The following PACRG variants were observed in gnomAD, a reference collection of about 807,000 sequenced individuals.
The protein encoded by PACRG is parkin coregulated gene protein.
A neutral mutation model predicts 29.7 loss-of-function variants in PACRG; 29 were observed. That is an observed-to-expected ratio of 0.98 (90% confidence interval 0.73 to 1.33). PACRG has a LOEUF of 1.33. PACRG is among the 40% of genes most tolerant of loss of function. The probability of loss-of-function intolerance (pLI) is 0.00; values close to 1 mark genes in which losing one functional copy is unlikely to be tolerated. For synonymous variants in PACRG, 116 were observed against 118.7 expected (o/e 0.98, Z 0.15); for missense variants, 279 against 316.2 (o/e 0.88, Z 0.89).
At chr6:162,880,158 T>C (rs1793712570) in intron 2 of PACRG, among the ~76,000 whole-genome samples, 1 of 152,254 alleles carries the variant, frequency 6.6e-6, no homozygotes, top group South Asian at 2.1e-4. Context: ...TCTGATCTTC[T>C]GCCCTTTAGT....
chr6:162,730,138 G>GCC (rs35815607), intron 1 of PACRG, among the ~76,000 whole-genome samples: 24,076 of 150,960 alleles, frequency 0.16, 2,587 homozygotes, highest in African/African-American at 0.3. Context: ...CAAAGTCCCT[G>GCC]CCCTTAGTAC....
chr6:162,940,439 T>G (rs1798538284), intron 2 of PACRG, among the ~76,000 whole-genome samples: 2 of 152,188 alleles, frequency 1.3e-5, no homozygotes, highest in African/African-American at 4.8e-5. Context: ...TCTGTCTGTC[T>G]GTCTGTATGT....
At chr6:163,076,880 C>A (rs183193568) in intron 3 of PACRG, among the ~76,000 whole-genome samples, 4 of 152,312 alleles carry the variant, frequency 2.6e-5, no homozygotes, top group Non-Finnish European at 2.9e-5. Flanking sequence ...CCCGACATAA[C>A]TTTATAGCTC....
chr6:163,104,327 T>G (rs1481040034), intron 4 of PACRG, among the ~76,000 whole-genome samples: 1 of 152,242 alleles, frequency 6.6e-6, no homozygotes, highest in East Asian at 1.9e-4. Flanking sequence ...GCATTCAATT[T>G]TTTTTTAATC....
intron 4 of PACRG, among the ~76,000 whole-genome samples, chr6:163,106,762 A>G (rs1815405010): frequency 6.6e-6 from 1 of 152,244 alleles, no homozygotes; most frequent in Non-Finnish European, 1.5e-5. Flanking sequence ...GGAGTTCTTC[A>G]TGCACAATAG....
chr6:163,161,438 G>A (rs1453453518), intron 4 of PACRG, among the ~76,000 whole-genome samples: 1 of 152,150 alleles, frequency 6.6e-6, no homozygotes. Flanking sequence ...GCATTTTGAT[G>A]TATTCATTTG....
At chr6:163,268,181 A>G (rs1783602881) in intron 4 of PACRG, among the ~76,000 whole-genome samples, 1 of 152,122 alleles carries the variant, frequency 6.6e-6, no homozygotes, top group South Asian at 2.1e-4. Flanking sequence ...CGGGTGGATC[A>G]CAAGGTCAGG....
At chr6:163,163,498 C>T (rs183219959) in intron 4 of PACRG, among the ~76,000 whole-genome samples, 42 of 152,224 alleles carry the variant, frequency 2.8e-4, no homozygotes, top group African/African-American at 6.7e-4. Context: ...TCTCAAACTC[C>T]GGACCTCAGG....
chr6:163,047,960 T>C (rs370465027), intron 2 of PACRG, among the ~76,000 whole-genome samples: 1 of 152,248 alleles, frequency 6.6e-6, no homozygotes, highest in Non-Finnish European at 1.5e-5. Flanking sequence ...CTTCATCTCT[T>C]GCTATTGTGA....
intron 1 of PACRG, among the ~76,000 whole-genome samples, chr6:162,798,467 T>C (rs897630683): frequency 6.6e-6 from 1 of 152,194 alleles, no homozygotes; most frequent in African/African-American, 2.4e-5. Flanking sequence ...CCACATAGCT[T>C]GTGCCTTATG....
At chr6:162,844,490 C>G (rs1229958738) in intron 2 of PACRG, among the ~76,000 whole-genome samples, 1 of 152,212 alleles carries the variant, frequency 6.6e-6, no homozygotes, top group African/African-American at 2.4e-5. Context: ...CCTGTGCCCA[C>G]TTTCTGGCAC....
At chr6:162,914,939 C>T (rs1050659184) in intron 2 of PACRG, among the ~76,000 whole-genome samples, 1 of 151,802 alleles carries the variant, frequency 6.6e-6, no homozygotes, top group African/African-American at 2.4e-5. Flanking sequence ...TCTATAGATT[C>T]CTTGAGATTT....
intron 2 of PACRG, among the ~76,000 whole-genome samples, chr6:162,976,609 T>G (rs1801983405): frequency 1.3e-5 from 2 of 152,288 alleles, no homozygotes; most frequent in South Asian, 4.1e-4. Context: ...GGTATCCAGA[T>G]TAAGTATTCA....
At chr6:162,858,708 A>G (rs945165392) in intron 2 of PACRG, among the ~76,000 whole-genome samples, 3 of 152,168 alleles carry the variant, frequency 2.0e-5, no homozygotes, top group South Asian at 2.1e-4. Flanking sequence ...GCATGCTCCA[A>G]TCGGTACAAA....
chr6:162,896,496 T>C (rs11962091), intron 2 of PACRG, among the ~76,000 whole-genome samples: 4,229 of 152,274 alleles, frequency 0.028, 184 homozygotes, highest in African/African-American at 0.096. Context: ...AGAAACAAGA[T>C]TGGAAATGTC....
intron 2 of PACRG, among the ~76,000 whole-genome samples, chr6:163,061,797 A>C (rs1224928523): frequency 6.6e-6 from 1 of 152,128 alleles, no homozygotes; most frequent in African/African-American, 2.4e-5. Flanking sequence ...TTTTACGTGG[A>C]TCTTTTCAGC....
intron 2 of PACRG, among the ~76,000 whole-genome samples, chr6:162,875,251 A>G (rs1793219102): frequency 6.6e-6 from 1 of 151,828 alleles, no homozygotes; most frequent in South Asian, 2.1e-4. Context: ...ACATTCACAC[A>G]CAGACATGCA....
intron 2 of PACRG, among the ~76,000 whole-genome samples, chr6:162,925,207 G>A (rs1797344138): frequency 6.6e-6 from 1 of 152,070 alleles, no homozygotes; most frequent in Admixed American, 6.6e-5. Flanking sequence ...AGGACCAGAT[G>A]GATTCACAGC....
chr6:162,767,427 A>G (rs1782884642), intron 1 of PACRG, among the ~76,000 whole-genome samples: 1 of 151,788 alleles, frequency 6.6e-6, no homozygotes, highest in Non-Finnish European at 1.5e-5. Flanking sequence ...TTCTTCCTTA[A>G]AGCCTATTTG....
Sources: gnomAD v4.1 joint callset for allele counts (sites outside exome capture counted in the v4.1 genomes callset) on GRCh38, gnomAD v4.1.1 for gene constraint, MANE v1.5 for transcripts, NCBI Gene and HGNC (gene_info 2026-07-23, HGNC 2026-07-21) for gene names.